The following FGF12 variants were observed in gnomAD, a reference collection of about 807,000 sequenced individuals.
FGF12 encodes fibroblast growth factor 12B.
In FGF12, 14 loss-of-function variants were observed where a neutral mutation model predicts 23.6. The ratio of observed to expected loss-of-function variants is 0.59; its 90% CI spans 0.39 to 0.93. FGF12 has a LOEUF of 0.93. Ranked by LOEUF, FGF12 falls within the 40% of genes least tolerant of loss-of-function variation. The pLI is 0.00. For missense variants in FGF12, 175 were observed against 217.8 expected, an observed-to-expected ratio of 0.80 and a Z score of 1.24; for synonymous variants, 62 against 77.3, an observed-to-expected ratio of 0.80 and a Z score of 1.04.
chr3:192,183,176 G>A (rs1372579267), intron 4 of FGF12, among the ~76,000 whole-genome samples: 14 of 151,684 alleles, frequency 9.2e-5, no homozygotes, highest in Non-Finnish European at 2.9e-5. Context: ...TATGGATCTG[G>A]AGAGCATGTA....
intron 2 of FGF12, among the ~76,000 whole-genome samples, chr3:192,616,758 T>C (rs1346375585): frequency 6.6e-6 from 1 of 151,862 alleles, no homozygotes; most frequent in African/African-American, 2.4e-5. Context: ...TATATGAGAA[T>C]GTCCTGTGTT....
chr3:192,655,330 C>T (rs956540112), intron 2 of FGF12, among the ~76,000 whole-genome samples: 1 of 152,184 alleles, frequency 6.6e-6, no homozygotes, highest in East Asian at 1.9e-4. Flanking sequence ...AAGCAGAAAG[C>T]ATTCCATTGA....
intron 5 of FGF12, among the ~76,000 whole-genome samples, chr3:192,167,755 ATATATATATATATAAAAT>A: frequency 3.5e-5 from 1 of 28,770 alleles, no homozygotes; most frequent in African/African-American, 1.6e-4. Context: ...ATATATATAT[ATATATATATATATAAAAT>A]TTTTTTTTTT....
intron 2 of FGF12, among the ~76,000 whole-genome samples, chr3:192,664,605 C>A (rs2036586): frequency 0.56 from 59,924 of 106,454 alleles, 17,148 homozygotes; most frequent in African/African-American, 0.6. Flanking sequence ...AAAAAAAATA[C>A]AAAAAAAAAA....
intron 2 of FGF12, among the ~76,000 whole-genome samples, chr3:192,598,167 T>C: frequency 6.6e-6 from 1 of 152,234 alleles, no homozygotes; most frequent in Non-Finnish European, 1.5e-5. Flanking sequence ...GCAGATGTAC[T>C]ACAGTCTAAC....
intron 2 of FGF12, among the ~76,000 whole-genome samples, chr3:192,520,350 G>A (rs963066144): frequency 1.4e-4 from 22 of 152,012 alleles, no homozygotes; most frequent in East Asian, 1.3e-3. Context: ...CCTGACTTCC[G>A]TTATTTATAA....
At chr3:192,555,883 C>T (rs1007363406) in intron 2 of FGF12, among the ~76,000 whole-genome samples, 1 of 151,676 alleles carries the variant, frequency 6.6e-6, no homozygotes, top group Non-Finnish European at 1.5e-5. Context: ...GCACTGATAC[C>T]ATGGGGAGGA....
rs145589001 is a variant in FGF12, at chr3:192,186,688, C to T, written c.229-16032G>A. ...TCCTGTTTTGATTTTCATGCTCTTG[C>T]AAAAAAATAAAATAAAGAACTGCGT... On this transcript the variant is annotated intron_variant, in intron 4 of 5. Coordinates refer to ENST00000445105, the MANE Select transcript of FGF12 (RefSeq NM_004113.6). Among the ~76,000 whole-genome samples the T allele has an allele frequency of 6.2e-4, 94 of 151,958 alleles. No homozygotes were observed. The East Asian group carries it at 0.017, about 28-fold the overall frequency.
At chr3:192,607,947 A>G (rs1714406629) in intron 2 of FGF12, among the ~76,000 whole-genome samples, 1 of 151,956 alleles carries the variant, frequency 6.6e-6, no homozygotes, top group African/African-American at 2.4e-5. Flanking sequence ...CATCACAAAA[A>G]CCCAGTTAGG....
intron 2 of FGF12, among the ~76,000 whole-genome samples, chr3:192,692,634 G>A (rs1306879097): frequency 3.3e-5 from 5 of 151,214 alleles, no homozygotes; most frequent in Non-Finnish European, 7.4e-5. Flanking sequence ...TGAGCCTGCA[G>A]AGTGGAAGTT....
chr3:192,472,111 G>C (rs1320032384), intron 2 of FGF12, among the ~76,000 whole-genome samples: 3 of 152,080 alleles, frequency 2.0e-5, no homozygotes, highest in African/African-American at 7.2e-5. Context: ...CTGCCTCTCG[G>C]GTTCAAGCAA....
rs756178449 is a variant in FGF12 at position 192,408,022 on chromosome 3, G to A, written c.14-47484C>T. 1 of 1,608,198 alleles carries A rather than the reference G, an allele frequency of 6.2e-7. No individual in the cohort carries two copies. Among genetic ancestry groups the A allele is most frequent in the Non-Finnish European group, 8.5e-7 (1 of 1,177,982 alleles). ...GGAGCCCACTCTCCGGGCTTCTACTGACCTGGTCTCCGCCTCACCGGCCTC... is the reference window on the plus strand; with the variant it reads ...GGAGCCCACTCTCCGGGCTTCTACTAACCTGGTCTCCGCCTCACCGGCCTC... On this transcript the variant is annotated intron_variant, in intron 2 of 5. Coordinates refer to ENST00000445105, the MANE Select transcript of FGF12 (RefSeq NM_004113.6). The surrounding 1 kb of genome is among the most constrained non-coding windows in gnomAD (Gnocchi z 7.3).
Position 192,360,565 on chromosome 3 carries a change from T to A in FGF12, c.14-27A>T, listed in dbSNP as rs1191527195. ...TGCAAAACAAAATAATTATTCAAATTTTTATTTGGCTTACACAAATGCACA... is the reference window on the plus strand; with the variant it reads ...TGCAAAACAAAATAATTATTCAAATATTTATTTGGCTTACACAAATGCACA... On this transcript the variant is annotated intron_variant, in intron 2 of 5. Coordinates refer to ENST00000445105, the MANE Select transcript of FGF12 (RefSeq NM_004113.6). This position sits in a 1 kb window ranked among gnomAD's most constrained non-coding sequence, Gnocchi z 4.3. 1.3e-6 allele frequency: 2 copies of A among 1,529,744 alleles called. No individual in the cohort carries two copies. Among genetic ancestry groups the A allele is most frequent in the South Asian group, 2.2e-5 (2 of 89,380 alleles). The allele number at this position is 1,529,744 out of a possible 1,614,324, so 94.8% of individuals were successfully genotyped here. A position where few individuals can be genotyped will look rare whatever the true frequency, so the allele number is the denominator to read the frequency against.
intron 2 of FGF12, among the ~76,000 whole-genome samples, chr3:192,628,134 C>T (rs1204417747): frequency 6.6e-6 from 1 of 151,944 alleles, no homozygotes; most frequent in African/African-American, 2.4e-5. Flanking sequence ...TTTTTTCACT[C>T]AGTATAATTC....
chr3:192,278,074 A>G (rs1713913761), intron 4 of FGF12, among the ~76,000 whole-genome samples: 1 of 152,086 alleles, frequency 6.6e-6, no homozygotes, highest in Non-Finnish European at 1.5e-5. Flanking sequence ...TTTCTCCTTT[A>G]AAGGTTTTAC....
chr3:192,707,790 T>G (rs953205781), intron 2 of FGF12, among the ~76,000 whole-genome samples: 1 of 150,396 alleles, frequency 6.6e-6, no homozygotes, highest in African/African-American at 2.4e-5. Flanking sequence ...AATGTTTTCT[T>G]TTCTTTTTCT....
chr3:192,571,127 A>G (rs949122371), intron 2 of FGF12, among the ~76,000 whole-genome samples: 2 of 152,202 alleles, frequency 1.3e-5, no homozygotes, highest in African/African-American at 4.8e-5. Context: ...ATCTTCCATT[A>G]AACTGCTCTA....
chr3:192,526,938 G>GA (rs1205698053), intron 2 of FGF12, among the ~76,000 whole-genome samples: 1 of 152,108 alleles, frequency 6.6e-6, no homozygotes, highest in Admixed American at 6.6e-5. Flanking sequence ...AGGAAGTCTT[G>GA]AAAAAATCCA....
intron 2 of FGF12, among the ~76,000 whole-genome samples, chr3:192,412,328 G>A (rs1300218657): frequency 3.9e-5 from 6 of 152,142 alleles, no homozygotes; most frequent in Admixed American, 2.6e-4. Context: ...GAATACAGAG[G>A]CACAGGAGAG....
Sources: gnomAD v4.1 joint callset for allele counts (sites outside exome capture counted in the v4.1 genomes callset) on GRCh38, gnomAD v4.1.1 for gene constraint, Gnocchi (gnomAD v3.1) non-coding constraint, MANE v1.5 for transcripts, NCBI Gene and HGNC (gene_info 2026-07-23, HGNC 2026-07-21) for gene names.